DNAH6: variants seen among roughly 807,000 people sequenced by gnomAD.
DNAH6 encodes dynein axonemal heavy chain 6, also known as axonemal beta dynein heavy chain 6.
In DNAH6, 340 loss-of-function variants were observed where a neutral mutation model predicts 491.4. The observed-to-expected ratio is 0.69, with a 90% CI of 0.63 to 0.76. The LOEUF is 0.76. Ranked by LOEUF, DNAH6 falls within the 30% of genes least tolerant of loss-of-function variation. The pLI, the probability that DNAH6 is intolerant of heterozygous loss-of-function variation, is 0.00. For synonymous variants in DNAH6, 1,603 were observed against 1,686.1 expected (o/e 0.95, Z 1.21); for missense variants, 4,443 against 4,972.2 (o/e 0.89, Z 3.20).
chr2:84,741,649 C>A (rs989157809), intron 62 of DNAH6, among the ~76,000 whole-genome samples: 1 of 152,124 alleles, frequency 6.6e-6, no homozygotes, highest in Non-Finnish European at 1.5e-5. Context: ...CAAGTACCCT[C>A]TAGGGGGTGC....
intron 11 of DNAH6, among the ~76,000 whole-genome samples, chr2:84,558,422 T>TAAAA (rs78113898): frequency 9.2e-6 from 1 of 108,970 alleles, no homozygotes; most frequent in African/African-American, 3.4e-5. Flanking sequence ...AGACTCCATC[T>TAAAA]AAAAAAAAAA....
intron 18 of DNAH6, 132 bp from the exon 19 acceptor site, chr2:84,604,207 G>A: frequency 1.4e-6 from 1 of 696,754 alleles, no homozygotes; most frequent in African/African-American, 1.8e-5. Flanking sequence ...CAGTCATCCA[G>A]ATTTTGCTCT....
the DNAH6 span, among the ~76,000 whole-genome samples, chr2:84,491,773 G>T: frequency 6.6e-6 from 1 of 152,062 alleles, no homozygotes; most frequent in Admixed American, 6.6e-5. Context: ...TCTGTCTTTG[G>T]TGTTAGAGGC....
intron 22 of DNAH6, among the ~76,000 whole-genome samples, chr2:84,616,132 G>C (rs1054532239): frequency 2.2e-4 from 33 of 152,004 alleles, no homozygotes; most frequent in African/African-American, 7.7e-4. Flanking sequence ...AGAATATTCT[G>C]TGCTGATGAA....
intron 11 of DNAH6, among the ~76,000 whole-genome samples, chr2:84,567,101 G>A (rs954499175): frequency 7.2e-5 from 11 of 151,980 alleles, no homozygotes; most frequent in Non-Finnish European, 1.3e-4. Context: ...AGAATGAATT[G>A]ATAAATTTGA....
In DNAH6 at chr2:84,672,431, CA is replaced by C. The variant is rs1692824549; in HGVS notation, c.6561del (p.Asp2188IlefsTer19). 1.3e-6 allele frequency: 2 copies of C among 1,551,414 alleles called. No homozygotes were observed. Among genetic ancestry groups the C allele is most frequent in the Non-Finnish European group, 1.7e-6 (2 of 1,146,888 alleles). Reference sequence around the variant, plus strand: ...TCCGATTGAATTACTTCGGCAGTATCAAGATTTTGGGGGATTTTATGACAGA... The same window carrying C: ...TCCGATTGAATTACTTCGGCAGTATCAGATTTTGGGGGATTTTATGACAGA... ...QPPIELLRQY[Q>X]DFGGFYDRNK... On this transcript the variant is annotated frameshift_variant, in exon 40 of 77. Transcript: ENST00000389394. LOFTEE classifies it high-confidence loss of function.
intron 45 of DNAH6, 48 bp downstream of exon 45, chr2:84,688,641 G>GTATT (rs1407276925): frequency 7.0e-7 from 1 of 1,424,724 alleles, no homozygotes. Flanking sequence ...AATATTTTTT[G>GTATT]TATTAAAGGG....
intron 10 of DNAH6, among the ~76,000 whole-genome samples, chr2:84,554,901 A>T (rs1280799888): frequency 6.6e-6 from 1 of 152,198 alleles, no homozygotes; most frequent in Non-Finnish European, 1.5e-5. Flanking sequence ...GCCTCAAAAA[A>T]CTGGATACCC....
chr2:84,725,984 A>T (rs1558965549), intron 60 of DNAH6, among the ~76,000 whole-genome samples: 1 of 152,138 alleles, frequency 6.6e-6, no homozygotes, highest in Non-Finnish European at 1.5e-5. Flanking sequence ...AGACTTTCCC[A>T]ATTTCCTGAA....
At chr2:84,576,554 A>G (rs1043671561) in intron 12 of DNAH6, among the ~76,000 whole-genome samples, 18 of 152,160 alleles carry the variant, frequency 1.2e-4, no homozygotes, top group Non-Finnish European at 2.5e-4. Context: ...TTAGAGGCCC[A>G]GAGGGTACAG....
At chr2:84,644,819 A>T (rs142377387) in intron 33 of DNAH6, among the ~76,000 whole-genome samples, 5,324 of 152,162 alleles carry the variant, frequency 0.035, 142 homozygotes, top group Non-Finnish European at 0.052. Flanking sequence ...TATGTACCAC[A>T]TTTTCTTTAT....
intron 41 of DNAH6, among the ~76,000 whole-genome samples, chr2:84,677,923 T>C (rs1693410542): frequency 6.6e-6 from 1 of 152,062 alleles, no homozygotes; most frequent in African/African-American, 2.4e-5. Context: ...GGCACAAAGG[T>C]AGAATAAGAC....
At chr2:84,598,016 A>T (rs1306475462) in intron 18 of DNAH6, among the ~76,000 whole-genome samples, 1 of 152,190 alleles carries the variant, frequency 6.6e-6, no homozygotes, top group African/African-American at 2.4e-5. Context: ...CAGTCAAAAA[A>T]AAAGGCCAGA....
chr2:84,569,763 AG>A (rs1681589422), intron 11 of DNAH6, among the ~76,000 whole-genome samples: 1 of 152,172 alleles, frequency 6.6e-6, no homozygotes, highest in Non-Finnish European at 1.5e-5. Context: ...TTTAGAGTTG[AG>A]CAAAATAAAT....
intron 12 of DNAH6, among the ~76,000 whole-genome samples, chr2:84,575,836 A>T (rs1682382461): frequency 6.6e-6 from 1 of 152,182 alleles, no homozygotes; most frequent in South Asian, 2.1e-4. Context: ...GTGAGCCGAG[A>T]TCGCGCCGCT....
chr2:84,766,323 A>G (rs1675068370), intron 64 of DNAH6, among the ~76,000 whole-genome samples: 1 of 152,224 alleles, frequency 6.6e-6, no homozygotes, highest in Admixed American at 6.5e-5. Flanking sequence ...TTTCTAAAAG[A>G]AGACAGATAT....
intron 18 of DNAH6, among the ~76,000 whole-genome samples, chr2:84,598,153 T>TTCTC (rs1684834303): frequency 9.5e-5 from 6 of 63,264 alleles, no homozygotes; most frequent in African/African-American, 2.4e-4. Flanking sequence ...CTTTCTTTCT[T>TTCTC]TCTTTCTTTC....
upstream of DNAH6, among the ~76,000 whole-genome samples, chr2:84,513,736 GC>G (rs1296791097): frequency 6.6e-6 from 1 of 151,292 alleles, no homozygotes; most frequent in African/African-American, 2.4e-5. Context: ...AGTTGATGAT[GC>G]CTTTCTCTTC....
At chr2:84,506,225 C>A in the DNAH6 span, among the ~76,000 whole-genome samples, 3 of 152,168 alleles carry the variant, frequency 2.0e-5, no homozygotes, top group East Asian at 1.9e-4. Flanking sequence ...CTCTCCAGCA[C>A]CTGTTGTTTC....
Sources: gnomAD v4.1 joint callset for allele counts (sites outside exome capture counted in the v4.1 genomes callset) on GRCh38, gnomAD v4.1.1 for gene constraint, MANE v1.5 for transcripts, NCBI Gene and HGNC (gene_info 2026-07-23, HGNC 2026-07-21) for gene names.